The following AGMO variants were observed in gnomAD, a reference collection of about 807,000 sequenced individuals.
AGMO encodes alkylglycerol monooxygenase.
Under a neutral mutation model 60.2 loss-of-function variants are expected in AGMO, and 75 were observed. That is an observed-to-expected ratio of 1.25 (90% CI 1.03 to 1.51). The LOEUF (loss-of-function observed/expected upper bound fraction) is 1.51. Ranked by LOEUF, AGMO falls within the 40% of genes most tolerant of loss-of-function variation. The pLI is 0.00. For missense variants in AGMO, 763 were observed against 525.5 expected (o/e 1.45, Z -4.42); for synonymous variants, 261 against 177.1 (o/e 1.47, Z -3.76).
intron 10 of AGMO, among the ~76,000 whole-genome samples, chr7:15,378,903 A>AT (rs1329797556): frequency 2.0e-5 from 3 of 152,150 alleles, no homozygotes; most frequent in Non-Finnish European, 4.4e-5. Context: ...AACTGAAATC[A>AT]TAACCCACAT....
At chr7:15,272,373 T>C (rs984174126) in intron 12 of AGMO, among the ~76,000 whole-genome samples, 1 of 147,096 alleles carries the variant, frequency 6.8e-6, no homozygotes, top group Admixed American at 7.0e-5. Flanking sequence ...AGTGAGAACA[T>C]GCGGTGTTTG....
In AGMO at chr7:15,561,660, C is replaced by A. The variant is rs570396373; in HGVS notation, c.126+60G>T. 87 of 1,474,444 alleles carry A rather than the reference C, an allele frequency of 5.9e-5. 1 individual carries two copies. The highest frequency in any genetic ancestry group is 1.8e-4 in the Middle Eastern group (1 of 5,428). 91.3% of individuals were successfully genotyped at this position (1,474,444 alleles called of 1,614,324 possible). Reference sequence around the variant, plus strand: ...GTGAACAAAACCCTAAGGAGATTGACCTTACCATTTATTAAGAAAGCAGCA... The same window carrying A: ...GTGAACAAAACCCTAAGGAGATTGAACTTACCATTTATTAAGAAAGCAGCA... On this transcript the variant is annotated intron_variant, in intron 1 of 12. Transcript: ENST00000342526.
At chr7:15,393,981 G>C in intron 6 of AGMO, 132 bp downstream of exon 6, 1 of 353,210 alleles carries the variant, frequency 2.8e-6, no homozygotes, top group Non-Finnish European at 4.5e-6. Context: ...AGATAGAAAA[G>C]AAGAAACTAT....
At chr7:15,522,268 T>C (rs979484595) in intron 3 of AGMO, among the ~76,000 whole-genome samples, 1 of 152,146 alleles carries the variant, frequency 6.6e-6, no homozygotes, top group South Asian at 2.1e-4. Context: ...AAAATGGCCA[T>C]ACTGCCCAAA....
At chr7:15,447,420 C>G (rs967643626) in intron 3 of AGMO, among the ~76,000 whole-genome samples, 12 of 152,186 alleles carry the variant, frequency 7.9e-5, no homozygotes, top group African/African-American at 2.9e-4. Context: ...ATTCACGTAA[C>G]TTGACATAAA....
At chr7:15,279,064 A>G (rs904325741) in intron 12 of AGMO, among the ~76,000 whole-genome samples, 3 of 152,128 alleles carry the variant, frequency 2.0e-5, no homozygotes, top group African/African-American at 7.2e-5. Flanking sequence ...TTGGGGAACA[A>G]AAACCTGTGA....
At chr7:15,317,748 A>C (rs1327481795) in intron 12 of AGMO, among the ~76,000 whole-genome samples, 1 of 151,894 alleles carries the variant, frequency 6.6e-6, no homozygotes, top group East Asian at 1.9e-4. Context: ...AGTAGAAAAC[A>C]ATTTGTCACA....
At chr7:15,275,626 C>A (rs1255272592) in intron 12 of AGMO, among the ~76,000 whole-genome samples, 2 of 152,096 alleles carry the variant, frequency 1.3e-5, no homozygotes, top group Non-Finnish European at 2.9e-5. Context: ...AATCTGCCTT[C>A]TGTCACCAGT....
In AGMO at chr7:15,201,900, C is replaced by T. The variant is rs146885428; in HGVS notation, c.1264-541G>A. ...TAAAAATGTAACTGCAAATTTCTTT[C>T]ACACTGAAGACTTAACTGAATCATA... On this transcript the variant is annotated intron_variant, in intron 12 of 12. Coordinates refer to ENST00000342526, the MANE Select transcript of AGMO (RefSeq NM_001004320.2). Among the ~76,000 whole-genome samples, 291 of 152,248 alleles carry T rather than the reference C, an allele frequency of 1.9e-3. 1 individual carries two copies. Among genetic ancestry groups the T allele is most frequent in the Admixed American group, 3.1e-3 (47 of 15,292 alleles).
chr7:15,317,287 G>A (rs758196918), intron 12 of AGMO, among the ~76,000 whole-genome samples: 2 of 152,056 alleles, frequency 1.3e-5, no homozygotes, highest in African/African-American at 2.4e-5. Flanking sequence ...TGTATATAAG[G>A]TATGAATTTA....
downstream of AGMO, among the ~76,000 whole-genome samples, chr7:15,199,092 A>T (rs530408874): frequency 1.3e-5 from 2 of 152,208 alleles, no homozygotes; most frequent in Non-Finnish European, 2.9e-5. Flanking sequence ...GTGCCCAGGA[A>T]TAAACAAGGA....
the AGMO span, among the ~76,000 whole-genome samples, chr7:15,188,605 G>A: frequency 6.6e-6 from 1 of 152,146 alleles, no homozygotes; most frequent in African/African-American, 2.4e-5. Context: ...TAAGGAGTGA[G>A]TATAGACAAT....
chr7:15,313,244 AT>A, intron 12 of AGMO, among the ~76,000 whole-genome samples: 1 of 152,302 alleles, frequency 6.6e-6, no homozygotes, highest in South Asian at 2.1e-4. Context: ...GAAAAATAAC[AT>A]CCCCCATCAT....
chr7:15,404,935 T>A (rs1488342984), intron 5 of AGMO, among the ~76,000 whole-genome samples: 1 of 151,870 alleles, frequency 6.6e-6, no homozygotes. Context: ...TTATAAACTT[T>A]TATCTGTTAA....
chr7:15,506,203 C>A (rs1783508533), intron 3 of AGMO, among the ~76,000 whole-genome samples: 1 of 151,996 alleles, frequency 6.6e-6, no homozygotes, highest in South Asian at 2.1e-4. Context: ...GTAAAGTTTT[C>A]ATAATTGAGC....
At chr7:15,534,115 C>T (rs1304068193) in intron 3 of AGMO, among the ~76,000 whole-genome samples, 3 of 151,388 alleles carry the variant, frequency 2.0e-5, no homozygotes, top group Admixed American at 6.6e-5. Flanking sequence ...TACCCATTAG[C>T]GTAAGAGAAG....
chr7:15,136,374 T>C, the AGMO span, among the ~76,000 whole-genome samples: 2 of 152,212 alleles, frequency 1.3e-5, no homozygotes, highest in Non-Finnish European at 2.9e-5. Flanking sequence ...CTCCCTGCTT[T>C]TTATCTCCTA....
rs1782785472 is a variant in AGMO, at chr7:15,482,490, A to G, written c.410-51382T>C. 2.0e-5 allele frequency among the ~76,000 whole-genome samples: 3 copies of G among 152,120 alleles called. No individual in the cohort carries two copies. The South Asian group carries it at 6.2e-4, about 31-fold the overall frequency. On this transcript the variant is annotated intron_variant, in intron 3 of 12. Coordinates refer to ENST00000342526, the MANE Select transcript of AGMO (RefSeq NM_001004320.2). ...TCTCCACGGTGACTTTTTTTTAGAGAAATTGAATCTGTAATTAGAAATCAG... is the reference window on the plus strand; with the variant it reads ...TCTCCACGGTGACTTTTTTTTAGAGGAATTGAATCTGTAATTAGAAATCAG...
At chr7:15,192,687 G>C in the AGMO span, among the ~76,000 whole-genome samples, 1 of 152,144 alleles carries the variant, frequency 6.6e-6, no homozygotes, top group African/African-American at 2.4e-5. Flanking sequence ...ACTGCTAATA[G>C]AGCATTAATT....
Sources: gnomAD v4.1 joint callset for allele counts (sites outside exome capture counted in the v4.1 genomes callset) on GRCh38, gnomAD v4.1.1 for gene constraint, MANE v1.5 for transcripts, NCBI Gene and HGNC (gene_info 2026-07-23, HGNC 2026-07-21) for gene names.